ZFYVE26: variants seen among roughly 807,000 people sequenced by gnomAD.
ZFYVE26 encodes zinc finger FYVE-type containing 26.
Under a neutral mutation model 276.5 loss-of-function variants are expected in ZFYVE26, and 181 were observed. The ratio of observed to expected loss-of-function variants is 0.65; its 90% CI spans 0.58 to 0.74. ZFYVE26 has a LOEUF of 0.74. Ranked by LOEUF, ZFYVE26 falls within the 30% of genes least tolerant of loss-of-function variation. The pLI is 0.00. For synonymous variants in ZFYVE26, 1,129 were observed against 1,203.1 expected (o/e 0.94, Z 1.27); for missense variants, 2,821 against 3,097.9 (o/e 0.91, Z 2.12).
At position 67,816,021 on chromosome 14, in the gene ZFYVE26, CA is replaced by C. The variant is rs1217986666; in HGVS notation, c.-59del. On this transcript the variant is annotated 5_prime_UTR_variant, in exon 2 of 42. In the 5' UTR this introduces an upstream ATG that the reference lacks. Transcript: ENST00000347230. ...AAATGAGTTATGCCGAACACATTCT[CA>C]ATGTTCTCATTCGCGGAGTACCTCC... The C allele has an allele frequency of 1.0e-5, 14 of 1,405,688 alleles. No individual in the cohort carries two copies. The Admixed American group carries it at 2.3e-4, about 24-fold the overall frequency. 87.1% of individuals were successfully genotyped at this position (1,405,688 alleles called of 1,614,324 possible).
intron 39 of ZFYVE26, among the ~76,000 whole-genome samples, chr14:67,752,772 C>T (rs144129768): frequency 1.6e-4 from 24 of 152,302 alleles, no homozygotes; most frequent in East Asian, 1.3e-3. Context: ...TCACTTGCTG[C>T]GGTGGCACTC....
intron 26 of ZFYVE26, among the ~76,000 whole-genome samples, chr14:67,775,607 C>A (rs551583704): frequency 2.0e-5 from 3 of 152,286 alleles, no homozygotes; most frequent in South Asian, 2.1e-4. Flanking sequence ...CCATTTCCAG[C>A]ATATTTTGCT....
chr14:67,804,056 T>C, intron 9 of ZFYVE26, 45 bp downstream of exon 9: 1 of 1,610,630 alleles, frequency 6.2e-7, no homozygotes, highest in Non-Finnish European at 8.5e-7. Flanking sequence ...TGTGTAAGAA[T>C]GTCCTAAGAG....
chr14:67,791,802 G>A (rs1298124150), intron 14 of ZFYVE26, among the ~76,000 whole-genome samples: 3 of 149,574 alleles, frequency 2.0e-5, no homozygotes, highest in African/African-American at 7.4e-5. Flanking sequence ...GCTCGTGCCT[G>A]TAATCCCAGC....
intron 35 of ZFYVE26, chr14:67,761,102 C>T (rs180703083): frequency 4.4e-5 from 28 of 638,950 alleles, no homozygotes; most frequent in Non-Finnish European, 7.3e-5. Context: ...AACCACTATC[C>T]GATTCTGCTG....
At chr14:67,751,689 T>C in intron 40 of ZFYVE26, 1 of 175,580 alleles carries the variant, frequency 5.7e-6, no homozygotes, top group Non-Finnish European at 1.2e-5. Flanking sequence ...CTGGCTAACA[T>C]GGTGAAACCC....
At chr14:67,753,945 G>A in intron 38 of ZFYVE26, 126 bp downstream of exon 38, 10 of 1,537,738 alleles carry the variant, frequency 6.5e-6, no homozygotes, top group Non-Finnish European at 9.0e-6. Context: ...GTCTTTGGTG[G>A]CTCATATTCT....
Position 67,815,954 on chromosome 14 carries a change from G to T in ZFYVE26, c.10C>A (p.Pro4Thr). 1 of 1,611,164 alleles carries T rather than the reference G, an allele frequency of 6.2e-7. No individual in the cohort carries two copies. Among genetic ancestry groups the T allele is most frequent in the Non-Finnish European group, 8.5e-7 (1 of 1,179,064 alleles). Residue 4 changes from proline (P) to threonine (T), a missense_variant, in exon 2 of 42, where the codon CCA becomes ACA. Physicochemically the swap from Pro to Thr is conservative, Grantham distance 38. Transcript: ENST00000347230. MNH[P>T]FGKEEAASQK... ...GAAGCAGCTTCCTCTTTTCCAAATG[G>T]ATGATTCATTTTCCCAGCACAGAGT... is the stretch of plus-strand genomic sequence containing the variant.
chr14:67,748,497 C>T lies in ZFYVE26; in HGVS notation c.7559G>A (p.Cys2520Tyr). 6.2e-7 allele frequency: 1 copy of T among 1,613,674 alleles called. No individual in the cohort carries two copies. Among genetic ancestry groups the T allele is most frequent in the Non-Finnish European group, 8.5e-7 (1 of 1,179,940 alleles). ...GTGGCTTGTCAGAAGCCACTGGGCACAGATGTCTTGCACTACTGCATCCCC... is the reference window on the plus strand; with the variant it reads ...GTGGCTTGTCAGAAGCCACTGGGCATAGATGTCTTGCACTACTGCATCCCC... Reference protein sequence around the residue: ...SSGDAVVQDICAQWLLTSHPR... With the variant: ...SSGDAVVQDIYAQWLLTSHPR... Residue 2520 changes from cysteine to tyrosine, a missense_variant, in exon 42 of 42, where the codon TGT (cysteine) becomes TAT (tyrosine). Coordinates refer to ENST00000347230, the MANE Select transcript of ZFYVE26 (RefSeq NM_015346.4).
At chr14:67,751,029 C>T (rs1366180801) in intron 41 of ZFYVE26, 23 bp downstream of exon 41, 8 of 1,614,080 alleles carry the variant, frequency 5.0e-6, no homozygotes, top group South Asian at 1.1e-5. Flanking sequence ...GCATCACCAG[C>T]GTTTGGAGAC....
intron 37 of ZFYVE26, 98 bp from the exon 38 acceptor site, chr14:67,754,310 G>A: frequency 6.6e-7 from 1 of 1,506,664 alleles, no homozygotes; most frequent in Non-Finnish European, 9.2e-7. Flanking sequence ...ATGAAAAAGG[G>A]AAAACAAATG....
At chr14:67,741,174 C>T (rs1286347416) in intron 13 of ZFYVE26, among the ~76,000 whole-genome samples, 1 of 152,180 alleles carries the variant, frequency 6.6e-6, no homozygotes, top group East Asian at 1.9e-4. Context: ...ATAATCTGCA[C>T]ACCTTCAAAG....
At chr14:67,783,697 T>C (rs560401436) in intron 20 of ZFYVE26, among the ~76,000 whole-genome samples, 172 bp from the exon 21 acceptor site, 20 of 152,314 alleles carry the variant, frequency 1.3e-4, no homozygotes, top group African/African-American at 4.8e-4. Context: ...CTGCCCTTTA[T>C]GTTTTCACGA....
rs2039154068 is a variant in ZFYVE26 at position 67,769,689 on chromosome 14, C to A, written c.5526G>T (p.Val1842=). The change falls in exon 29 of 42, where the codon GTG becomes GTT. Residue 1842 remains valine (V), a synonymous_variant. Coordinates refer to ENST00000347230, the MANE Select transcript of ZFYVE26 (RefSeq NM_015346.4). ...RHHCRRCGRL[V]CSSCSTKKMV... is the part of the protein sequence containing the mutation. ...TTTTCTTAGTGGAGCAGGAGCTGCA[C>A]ACTAGCCGGCCACAGCGGCGACAAT... 6.2e-7 allele frequency: 1 copy of A among 1,614,018 alleles called. No individual in the cohort carries two copies. Among genetic ancestry groups the A allele is most frequent in the African/African-American group, 1.3e-5 (1 of 74,920 alleles).
At chr14:67,804,410 G>A in intron 8 of ZFYVE26, 146 bp from the exon 9 acceptor site, 1 of 1,035,656 alleles carries the variant, frequency 9.7e-7, no homozygotes, top group Non-Finnish European at 1.4e-6. Flanking sequence ...TAGTTGGTTT[G>A]GGACTGAGCC....
Position 67,789,347 on chromosome 14 carries a change from G to A in ZFYVE26, c.3007C>T (p.Leu1003Phe). ...ACAGCACACTCACCCCGCCTTTCAAGGCTACTATTCAAACGCCGTTCGGCT... is the reference window on the plus strand; with the variant it reads ...ACAGCACACTCACCCCGCCTTTCAAAGCTACTATTCAAACGCCGTTCGGCT... The part of the protein sequence containing the change: ...ETAERRLNSS[L>F]ERRGRRIDHV... The change falls in exon 16 of 42, where the codon CTT becomes TTT. Residue 1003 changes from leucine to phenylalanine, a missense_variant. Coordinates refer to ENST00000347230, the MANE Select transcript of ZFYVE26 (RefSeq NM_015346.4). The A allele has an allele frequency of 1.1e-5, 17 of 1,614,210 alleles. No individual in the cohort carries two copies. The highest frequency in any genetic ancestry group is 1.4e-5 in the Non-Finnish European group (16 of 1,180,036).
At chr14:67,782,349 G>T (rs1408703823) in intron 21 of ZFYVE26, among the ~76,000 whole-genome samples, 2 of 152,180 alleles carry the variant, frequency 1.3e-5, no homozygotes, top group African/African-American at 2.4e-5. Context: ...GACTCTGGCT[G>T]CTTTCATGCT....
chr14:67,750,812 T>G, intron 41 of ZFYVE26: 3 of 599,094 alleles, frequency 5.0e-6, no homozygotes, highest in Non-Finnish European at 6.1e-6. Context: ...GCCTAGGACA[T>G]GTTTGTCTTG....
intron 10 of ZFYVE26, chr14:67,798,856 G>A (rs1409437577): frequency 8.0e-6 from 7 of 872,142 alleles, no homozygotes; most frequent in East Asian, 2.6e-5. Context: ...GTCCCGCCCC[G>A]AGGCCAACCG....
Sources: allele counts gnomAD v4.1 joint callset (sites outside exome capture counted in the v4.1 genomes callset), GRCh38; gene constraint gnomAD v4.1.1; transcripts MANE v1.5; gene names NCBI Gene and HGNC (gene_info 2026-07-23, HGNC 2026-07-21).